Variants in PARN observed in about 807,000 individuals in gnomAD.
PARN encodes the protein poly(A)-specific ribonuclease.
Under a neutral mutation model 102.8 loss-of-function variants are expected in PARN, and 71 were observed. That is an observed-to-expected ratio of 0.69 (90% CI 0.57 to 0.84). The LOEUF (loss-of-function observed/expected upper bound fraction) is 0.84. Ranked by LOEUF, PARN falls within the 40% of genes least tolerant of loss-of-function variation. The probability of loss-of-function intolerance (pLI) is 0.00; values close to 1 mark genes in which losing one functional copy is unlikely to be tolerated. For synonymous variants in PARN, 261 were observed against 252.9 expected (o/e 1.03, Z -0.30); for missense variants, 782 against 760.9 (o/e 1.03, Z -0.33).
chr16:14,602,576 G>A (rs1170452559), intron 11 of PARN, among the ~76,000 whole-genome samples: 1 of 152,194 alleles, frequency 6.6e-6, no homozygotes, highest in Non-Finnish European at 1.5e-5. Context: ...ATGCCATGGT[G>A]CCCTGGTGGC....
At chr16:14,624,130 G>T (rs919020806) in intron 5 of PARN, among the ~76,000 whole-genome samples, 3 of 152,158 alleles carry the variant, frequency 2.0e-5, no homozygotes, top group Admixed American at 6.5e-5. Flanking sequence ...CGCACACAGG[G>T]TCTTATTTTT....
At chr16:14,604,275 T>G in intron 10 of PARN, 49 bp from the exon 11 acceptor site, 1 of 1,232,128 alleles carries the variant, frequency 8.1e-7, no homozygotes, top group Non-Finnish European at 1.2e-6. Context: ...TTTCTTTTTT[T>G]TTGAGACAGA....
intron 10 of PARN, among the ~76,000 whole-genome samples, chr16:14,606,279 T>C (rs1971175740): frequency 6.6e-6 from 1 of 151,810 alleles, no homozygotes; most frequent in African/African-American, 2.4e-5. Flanking sequence ...CACGAGCCTG[T>C]AGTCCCAGCT....
chr16:14,547,088 G>A (rs1380235595), intron 21 of PARN, among the ~76,000 whole-genome samples: 2 of 144,956 alleles, frequency 1.4e-5, no homozygotes, highest in Non-Finnish European at 3.0e-5. Context: ...GAGAGACCCT[G>A]TCTCAAAAAA....
At chr16:14,460,193 C>T (rs1961887564) in intron 22 of PARN, among the ~76,000 whole-genome samples, 1 of 152,126 alleles carries the variant, frequency 6.6e-6, no homozygotes, top group South Asian at 2.1e-4. Context: ...GAAAGACCAT[C>T]AATAAGATTT....
intron 2 of PARN, among the ~76,000 whole-genome samples, chr16:14,629,024 C>G (rs1184357278): frequency 6.6e-6 from 1 of 152,200 alleles, no homozygotes. Flanking sequence ...AAACCTGACC[C>G]TAGCCGGTCA....
At chr16:14,491,227 G>A (rs943011103) in intron 21 of PARN, among the ~76,000 whole-genome samples, 5 of 149,014 alleles carry the variant, frequency 3.4e-5, no homozygotes, top group Non-Finnish European at 5.9e-5. Context: ...TAAACCCTTC[G>A]GCATCCAAGA....
chr16:14,455,844 T>C (rs1264821977), intron 22 of PARN, among the ~76,000 whole-genome samples: 3 of 152,214 alleles, frequency 2.0e-5, no homozygotes, highest in Non-Finnish European at 4.4e-5. Context: ...AATCTCTGAC[T>C]CCATGTGTCG....
chr16:14,509,278 C>A (rs1965064234), intron 21 of PARN, among the ~76,000 whole-genome samples: 1 of 152,162 alleles, frequency 6.6e-6, no homozygotes, highest in Non-Finnish European at 1.5e-5. Context: ...CACCTACCCA[C>A]CCATAGATAA....
At chr16:14,598,802 G>A (rs1970688292) in intron 12 of PARN, among the ~76,000 whole-genome samples, 1 of 152,166 alleles carries the variant, frequency 6.6e-6, no homozygotes, top group South Asian at 2.1e-4. Flanking sequence ...CAAGCCTGCA[G>A]CTGGCAGTGA....
Position 14,617,649 on chromosome 16 carries a change from C to A in PARN, c.329G>T (p.Ser110Ile). Residue 110 changes from serine to isoleucine, a missense_variant and splice_region_variant, in exon 6 of 24, where the codon AGC (serine) becomes ATC (isoleucine). Transcript: ENST00000437198. ...SSPDVKFVCQSSSIDFLASQG... is the reference protein window; with the variant it reads ...SSPDVKFVCQISSIDFLASQG... ...GCTTGCTAGAAAGTCAATGCTGGAGCTCTGAAACAGAGTAAACAGAACACA... is the reference window on the plus strand; with the variant it reads ...GCTTGCTAGAAAGTCAATGCTGGAGATCTGAAACAGAGTAAACAGAACACA... The A allele has an allele frequency of 1.3e-6, 2 of 1,588,310 alleles. No homozygotes were observed. The highest frequency in any genetic ancestry group is 1.7e-6 in the Non-Finnish European group (2 of 1,156,614).
At chr16:14,490,360 C>T (rs541645177) in intron 21 of PARN, among the ~76,000 whole-genome samples, 53 of 152,296 alleles carry the variant, frequency 3.5e-4, no homozygotes, top group Non-Finnish European at 7.1e-4. Flanking sequence ...ATTCTTTCCA[C>T]GACACCACAT....
intron 21 of PARN, among the ~76,000 whole-genome samples, chr16:14,542,567 TAAA>T (rs201515639): frequency 1.3e-5 from 2 of 148,436 alleles, no homozygotes; most frequent in Non-Finnish European, 1.5e-5. Context: ...TCAAAAAAAT[TAAA>T]AAAAAAAAGA....
At chr16:14,505,066 A>G (rs1964817199) in intron 21 of PARN, among the ~76,000 whole-genome samples, 5 of 152,238 alleles carry the variant, frequency 3.3e-5, no homozygotes, top group Admixed American at 3.3e-4. Flanking sequence ...TAAAGTTACC[A>G]CATAACAATG....
chr16:14,477,976 T>C (rs1448446328), intron 22 of PARN, among the ~76,000 whole-genome samples: 2 of 152,178 alleles, frequency 1.3e-5, no homozygotes, highest in Admixed American at 6.5e-5. Context: ...CTTTTAGGCA[T>C]ACAAATCTGA....
chr16:14,505,887 T>C (rs1964869858), intron 21 of PARN, among the ~76,000 whole-genome samples: 1 of 152,148 alleles, frequency 6.6e-6, no homozygotes, highest in African/African-American at 2.4e-5. Flanking sequence ...AAATCATCAA[T>C]GGACATTAAT....
chr16:14,491,327 T>C (rs887265981), intron 21 of PARN, among the ~76,000 whole-genome samples: 13 of 151,640 alleles, frequency 8.6e-5, no homozygotes, highest in African/African-American at 3.1e-4. Flanking sequence ...CTCATCTCAA[T>C]TCTGTTTTCC....
chr16:14,439,594 ATTTG>A (rs951963294), intron 23 of PARN, among the ~76,000 whole-genome samples: 2 of 152,220 alleles, frequency 1.3e-5, no homozygotes, highest in African/African-American at 4.8e-5. Context: ...AGAAGAAAAT[ATTTG>A]CAACTTAGAG....
At chr16:14,630,051 G>C in intron 1 of PARN, 56 bp downstream of exon 1, 1 of 1,482,572 alleles carries the variant, frequency 6.7e-7, no homozygotes, top group South Asian at 1.2e-5. Context: ...TCTCGGCCTA[G>C]CAGGCCAGGG....
Sources: gnomAD v4.1 joint callset for allele counts (sites outside exome capture counted in the v4.1 genomes callset) on GRCh38, gnomAD v4.1.1 for gene constraint, MANE v1.5 for transcripts, NCBI Gene and HGNC (gene_info 2026-07-23, HGNC 2026-07-21) for gene names.